The following TLX1 variants were observed in gnomAD, a reference collection of about 807,000 sequenced individuals.
The protein encoded by TLX1 is T-cell leukemia homeobox protein 1.
In TLX1, 6 loss-of-function variants were observed where a neutral mutation model predicts 26.5. The ratio of observed to expected loss-of-function variants is 0.23; its 90% CI spans 0.12 to 0.45. The LOEUF (loss-of-function observed/expected upper bound fraction) is 0.45, where lower values mean the gene tolerates loss of function less well. TLX1 is among the 20% of genes least tolerant of loss of function. The probability of loss-of-function intolerance (pLI) is 0.99; values close to 1 mark genes in which losing one functional copy is unlikely to be tolerated. For synonymous variants in TLX1, 217 were observed against 219.7 expected, an observed-to-expected ratio of 0.99 and a Z score of 0.11; for missense variants, 418 against 482.6, an observed-to-expected ratio of 0.87 and a Z score of 1.25.
Position 101,131,978 on chromosome 10 carries a change from A to G in TLX1, c.437A>G (p.His146Arg). Residue 146 changes from histidine (H) to arginine (R), a missense_variant, in exon 1 of 3, where the codon CAC becomes CGC. Physicochemically the swap from His to Arg is conservative, Grantham distance 29. This residue lies in a region of TLX1 where 322 missense variants were observed against 344.6 expected (regional missense o/e 0.93). Coordinates refer to ENST00000370196, the MANE Select transcript of TLX1 (RefSeq NM_005521.4). The stretch of plus-strand genomic sequence containing the variant: ...AGGCCGCTCGCCGGAGCCGTGGCCC[A>G]CCCCCAGCCCCTGGCCACCGGCTTG... ...AHRPLAGAVA[H>R]PQPLATGLPT... 2.0e-6 allele frequency: 3 copies of G among 1,507,046 alleles called. No individual in the cohort carries two copies. Among genetic ancestry groups the G allele is most frequent in the Non-Finnish European group, 2.6e-6 (3 of 1,134,638 alleles). 93.4% of individuals were successfully genotyped at this position (1,507,046 alleles called of 1,614,324 possible). A position where few individuals can be genotyped will look rare whatever the true frequency, so the allele number is the denominator to read the frequency against.
Position 101,134,302 on chromosome 10 carries a change from C to G in TLX1, c.696C>G (p.Ala232=). The G allele has an allele frequency of 6.2e-7, 1 of 1,612,418 alleles. No homozygotes were observed. Among genetic ancestry groups the G allele is most frequent in the Non-Finnish European group, 8.5e-7 (1 of 1,179,528 alleles). The change falls in exon 2 of 3, where the codon GCC becomes GCG. Residue 232 remains alanine, a synonymous_variant. Coordinates refer to ENST00000370196, the MANE Select transcript of TLX1 (RefSeq NM_005521.4). ...AGTACCTGGCCTCGGCCGAGCGCGC[C>G]GCCCTGGCCAAGGCGCTCAAAATGA... ...RQKYLASAER[A]ALAKALKMTD...
rs1238985168 is a variant in TLX1 at position 101,132,306 on chromosome 10, CCT to C, written c.568+202_568+203del. 1.3e-5 allele frequency among the ~76,000 whole-genome samples: 2 copies of C among 152,218 alleles called. No individual in the cohort carries two copies. Among genetic ancestry groups the C allele is most frequent in the Non-Finnish European group, 2.9e-5 (2 of 68,032 alleles). On this transcript the variant is annotated intron_variant, in intron 1 of 2. Transcript: ENST00000370196. This position sits in a 1 kb window ranked among gnomAD's most constrained non-coding sequence, Gnocchi z 4.1. ...TTGAAGAGTTCTCTCAGCCTGGACC[CCT>C]CTCTGTCTCCCGAAGGACCCCTGCT...
chr10:101,136,989 AC>A lies in TLX1; in HGVS notation c.*79del. On this transcript the variant is annotated 3_prime_UTR_variant, in exon 3 of 3. Coordinates refer to ENST00000370196, the MANE Select transcript of TLX1 (RefSeq NM_005521.4). Reference sequence around the variant, plus strand: ...GGCCTGAGACCCAGGACTCCTCCCCACCCTCCTGGCCTCAGACTGCACCCAG... The same window carrying A: ...GGCCTGAGACCCAGGACTCCTCCCCACCTCCTGGCCTCAGACTGCACCCAG... The A allele has an allele frequency of 2.6e-6, 4 of 1,552,456 alleles. No homozygotes were observed. Among genetic ancestry groups the A allele is most frequent in the Middle Eastern group, 1.7e-4 (1 of 5,866 alleles).
At chr10:101,136,623 C>T (rs1244995401) in intron 2 of TLX1, 68 bp from the exon 3 acceptor site, 3 of 1,611,236 alleles carry the variant, frequency 1.9e-6, no homozygotes, top group Non-Finnish European at 2.5e-6. Context: ...TGGGAACGCA[C>T]CAGGAGTTGG....
Position 101,132,177 on chromosome 10 carries a change from G to T in TLX1, c.568+68G>T. 7.9e-7 allele frequency: 1 copy of T among 1,269,340 alleles called. No individual in the cohort carries two copies. Among genetic ancestry groups the T allele is most frequent in the South Asian group, 2.9e-5 (1 of 34,572 alleles). 78.6% of individuals were successfully genotyped at this position (1,269,340 alleles called of 1,614,324 possible). Reference sequence around the variant, plus strand: ...CTCCGTGCTACCCCTGCCCCGCCGGGTGGCTCCCCAAAGCCGGTTCTGCGC... The same window carrying T: ...CTCCGTGCTACCCCTGCCCCGCCGGTTGGCTCCCCAAAGCCGGTTCTGCGC... On this transcript the variant is annotated intron_variant, in intron 1 of 2. Transcript: ENST00000370196. The surrounding 1 kb of genome is among the most constrained non-coding windows in gnomAD (Gnocchi z 4.1).
At position 101,132,780 on chromosome 10, in the gene TLX1, C is replaced by A. The variant is rs1232365090; in HGVS notation, c.568+671C>A. ...GCTGGGTGTCCTACCCCGGGCCCAG[C>A]CCTGTTATCTTGGGCACGAACAATG... On this transcript the variant is annotated intron_variant, in intron 1 of 2. Transcript: ENST00000370196. This position sits in a 1 kb window ranked among gnomAD's most constrained non-coding sequence, Gnocchi z 4.1. The A allele has an allele frequency of 2.6e-5, 4 of 152,288 alleles. No individual in the cohort carries two copies. The highest frequency in any genetic ancestry group is 4.8e-5 in the African/African-American group (2 of 41,452). 9.4% of individuals were successfully genotyped at this position (152,288 alleles called of 1,614,324 possible). A position where few individuals can be genotyped will look rare whatever the true frequency, so the allele number is the denominator to read the frequency against.
Position 101,131,937 on chromosome 10 carries a change from C to G in TLX1, c.396C>G (p.Ile132Met), listed in dbSNP as rs1187817065. The G allele has an allele frequency of 2.1e-6, 3 of 1,433,376 alleles. No individual in the cohort carries two copies. Among genetic ancestry groups the G allele is most frequent in the African/African-American group, 3.0e-5 (2 of 67,618 alleles). 88.8% of individuals were successfully genotyped at this position (1,433,376 alleles called of 1,614,324 possible). A position where few individuals can be genotyped will look rare whatever the true frequency, so the allele number is the denominator to read the frequency against. ...GGGCACTCAGCGCTGCGGGGGTAAT[C>G]CGGGTGCCGGCACACAGGCCGCTCG... Reference protein sequence around the residue: ...GAGALSAAGVIRVPAHRPLAG... With the variant: ...GAGALSAAGVMRVPAHRPLAG... The change falls in exon 1 of 3, where the codon ATC becomes ATG. Residue 132 changes from isoleucine (I) to methionine (M), a missense_variant. Transcript: ENST00000370196.
Position 101,136,881 on chromosome 10 carries a change from A to G in TLX1, c.961A>G (p.Ser321Gly). 6.2e-7 allele frequency: 1 copy of G among 1,613,704 alleles called. No homozygotes were observed. The highest frequency in any genetic ancestry group is 8.5e-7 in the Non-Finnish European group (1 of 1,179,996). ...GTCTGACGACTCGACCAAAATCACT[A>G]GCGTCACGTCGGTGGCGTCGGCCTG... ...PWSDDSTKITSVTSVASACE is the reference protein window; with the variant it reads ...PWSDDSTKITGVTSVASACE Residue 321 changes from serine to glycine, a missense_variant, in exon 3 of 3, where the codon AGC becomes GGC. Ser to Gly is a moderately conservative substitution (Grantham distance 56, BLOSUM62 0). Around this residue, in one of 3 missense-constraint regions of TLX1, gnomAD observed 78 missense variants for 92.2 expected, o/e 0.85. Transcript: ENST00000370196.
Position 101,137,307 on chromosome 10 carries a change from T to G in TLX1, c.*394T>G. The G allele has an allele frequency of 3.2e-6, 1 of 317,316 alleles. No homozygotes were observed. 19.7% of individuals were successfully genotyped at this position (317,316 alleles called of 1,614,324 possible). A position where few individuals can be genotyped will look rare whatever the true frequency, so the allele number is the denominator to read the frequency against. On this transcript the variant is annotated 3_prime_UTR_variant, in exon 3 of 3. Transcript: ENST00000370196. ...CCCCTTCTCTGTGACCCACTTCTCA[T>G]CACACACATGGAAACCCATAGGCCC...
chr10:101,136,912 G>A lies in TLX1; in HGVS notation c.992G>A (p.Ter331=), dbSNP rs746044573. 3 of 1,613,362 alleles carry A rather than the reference G, an allele frequency of 1.9e-6. No individual in the cohort carries two copies. Among genetic ancestry groups the A allele is most frequent in the South Asian group, 2.2e-5 (2 of 91,072 alleles). Residue 331 remains the stop codon, a stop_retained_variant, in exon 3 of 3, where the codon TGA becomes TAA. Coordinates refer to ENST00000370196, the MANE Select transcript of TLX1 (RefSeq NM_005521.4). ...SVTSVASACE[*] ...ACGTCGGTGGCGTCGGCCTGCGAGT[G>A]AGCCTGCCCATTCTGCCCTGTGGGA...
chr10:101,131,595 C>T lies in TLX1; in HGVS notation c.54C>T (p.Ser18=), dbSNP rs150815977. The T allele has an allele frequency of 7.7e-6, 12 of 1,563,986 alleles. No individual in the cohort carries two copies. The African/African-American group carries it at 8.5e-5, about 11-fold the overall frequency. The change falls in exon 1 of 3, where the codon AGC becomes AGT. Residue 18 remains serine (S), a synonymous_variant. Coordinates refer to ENST00000370196, the MANE Select transcript of TLX1 (RefSeq NM_005521.4). ...ACCCGGGTCACGCAGAGCCCATTAG[C>T]TTCGGCATCGACCAGATCCTCAACA... ...HLHPGHAEPI[S]FGIDQILNSP...
chr10:101,131,882 G>A lies in TLX1; in HGVS notation c.341G>A (p.Gly114Asp). The change falls in exon 1 of 3, where the codon GGC (glycine) becomes GAC (aspartate). Residue 114 changes from glycine to aspartate, a missense_variant. By Grantham distance (94) the Gly-to-Asp change is moderately conservative. Transcript: ENST00000370196. ...GCCTTGGCAGGCGGCCCCGGTCCTG[G>A]CGGCGGCGGCGGCAGCAGCGGCGGT... ...NMALAGGPGP[G>D]GGGGSSGGAG... 1 of 1,386,560 alleles carries A rather than the reference G, an allele frequency of 7.2e-7. No individual in the cohort carries two copies. The highest frequency in any genetic ancestry group is 9.3e-7 in the Non-Finnish European group (1 of 1,076,936). The allele number at this position is 1,386,560 out of a possible 1,614,324, so 85.9% of individuals were successfully genotyped here.
rs1243958694 is a variant in TLX1, at chr10:101,131,368, C to A, written c.-174C>A. 13 of 437,224 alleles carry A rather than the reference C, an allele frequency of 3.0e-5. No homozygotes were observed. The highest frequency in any genetic ancestry group is 5.1e-5 in the Non-Finnish European group (13 of 253,764). The allele number at this position is 437,224 out of a possible 1,614,324, so 27.1% of individuals were successfully genotyped here. ...GCAGAAGCCAGAGAGGGGAAGAATA[C>A]GGCGCCCCCTCTCTCCCTCCCCTCC... On this transcript the variant is annotated 5_prime_UTR_variant, in exon 1 of 3. Transcript: ENST00000370196.
chr10:101,131,893 G>GGCA lies in TLX1; in HGVS notation c.358_360dup (p.Ser120dup). 3 of 1,392,672 alleles carry GGCA rather than the reference G, an allele frequency of 2.2e-6. No homozygotes were observed. Among genetic ancestry groups the GGCA allele is most frequent in the Non-Finnish European group, 2.8e-6 (3 of 1,081,616 alleles). 86.3% of individuals were successfully genotyped at this position (1,392,672 alleles called of 1,614,324 possible). A position where few individuals can be genotyped will look rare whatever the true frequency, so the allele number is the denominator to read the frequency against. ...CGGCCCCGGTCCTGGCGGCGGCGGC[G>GGCA]GCAGCAGCGGCGGTGCCGGGGCACT... On this transcript the variant is annotated inframe_insertion, in exon 1 of 3. Transcript: ENST00000370196.
In TLX1 at chr10:101,134,335, G is replaced by T. The variant is rs769200627; in HGVS notation, c.729G>T (p.Ala243=). Residue 243 remains alanine (A), a synonymous_variant, in exon 2 of 3, where the codon GCG becomes GCT. Coordinates refer to ENST00000370196, the MANE Select transcript of TLX1 (RefSeq NM_005521.4). ...ALAKALKMTD[A]QVKTWFQNRR... Reference sequence around the variant, plus strand: ...CCAAGGCGCTCAAAATGACCGATGCGCAGGTCAAAACCTGGTTCCAGAACC... The same window carrying T: ...CCAAGGCGCTCAAAATGACCGATGCTCAGGTCAAAACCTGGTTCCAGAACC... 2.4e-5 allele frequency: 38 copies of T among 1,609,706 alleles called. No individual in the cohort carries two copies. The highest frequency in any genetic ancestry group is 8.9e-5 in the East Asian group (4 of 44,732).
rs147731896 is a variant in TLX1, at chr10:101,132,033, G to A, written c.492G>A (p.Pro164=). ...CCGTGCCCTCTGTGCCTGCCATGCCGGGCGTCAACAACCTCACTGGCCTCA... is the reference window on the plus strand; with the variant it reads ...CCGTGCCCTCTGTGCCTGCCATGCCAGGCGTCAACAACCTCACTGGCCTCA... ...LPTVPSVPAM[P]GVNNLTGLTF... is the part of the protein sequence containing the mutation. Residue 164 remains proline (P), a synonymous_variant, in exon 1 of 3, where the codon CCG becomes CCA. Transcript: ENST00000370196. This position sits in a 1 kb window ranked among gnomAD's most constrained non-coding sequence, Gnocchi z 4.1. The A allele has an allele frequency of 2.7e-5, 41 of 1,516,414 alleles. No homozygotes were observed. Among genetic ancestry groups the A allele is most frequent in the African/African-American group, 1.4e-4 (10 of 69,786 alleles). The allele number at this position is 1,516,414 out of a possible 1,614,324, so 93.9% of individuals were successfully genotyped here.
rs1940170100 is a variant in TLX1 at position 101,131,547 on chromosome 10, G to A, written c.6G>A (p.Glu2=). ...CCGGTGGGGCCAGGGCCAGCATGGA[G>A]CACCTGGGTCCGCACCACCTCCACC... The part of the protein sequence containing the change: M[E]HLGPHHLHPG... The change falls in exon 1 of 3, where the codon GAG becomes GAA. Residue 2 remains glutamate, a synonymous_variant. Coordinates refer to ENST00000370196, the MANE Select transcript of TLX1 (RefSeq NM_005521.4). The A allele has an allele frequency of 1.3e-6, 2 of 1,499,902 alleles. No individual in the cohort carries two copies. Among genetic ancestry groups the A allele is most frequent in the East Asian group, 5.3e-5 (2 of 37,424 alleles). 92.9% of individuals were successfully genotyped at this position (1,499,902 alleles called of 1,614,324 possible).
At chr10:101,136,360 G>A (rs1268191341) in intron 2 of TLX1, among the ~76,000 whole-genome samples, 1 of 152,202 alleles carries the variant, frequency 6.6e-6, no homozygotes, top group African/African-American at 2.4e-5. Context: ...AGGGGGAGGC[G>A]AGATGCCATC....
chr10:101,134,089 T>A, intron 1 of TLX1, 86 bp from the exon 2 acceptor site: 1 of 1,353,508 alleles, frequency 7.4e-7, no homozygotes. Context: ...CTGGGACGCT[T>A]CCTGACGCTC....
Sources: gnomAD v4.1 joint callset for allele counts (sites outside exome capture counted in the v4.1 genomes callset) on GRCh38, gnomAD v4.1.1 for gene constraint, gnomAD v4.1.1 regional missense constraint, Gnocchi (gnomAD v3.1) non-coding constraint, MANE v1.5 for transcripts, NCBI Gene and HGNC (gene_info 2026-07-23, HGNC 2026-07-21) for gene names.